Variants in SPOCK3 observed in about 807,000 individuals in gnomAD.
SPOCK3 encodes the protein testican-3.
A neutral mutation model predicts 56.6 loss-of-function variants in SPOCK3; 30 were observed. That is an observed-to-expected ratio of 0.53 (90% CI 0.40 to 0.72). SPOCK3 has a LOEUF of 0.72. Among genes scored for constraint, SPOCK3 ranks in the 30% least tolerant of loss-of-function variants. The probability of loss-of-function intolerance (pLI) is 0.00; values close to 1 mark genes in which losing one functional copy is unlikely to be tolerated. For synonymous variants in SPOCK3, 196 were observed against 183.3 expected (o/e 1.07, Z -0.56); for missense variants, 527 against 530.0 (o/e 0.99, Z 0.06).
At chr4:166,743,050 G>A (rs1735067610) in intron 8 of SPOCK3, among the ~76,000 whole-genome samples, 1 of 152,104 alleles carries the variant, frequency 6.6e-6, no homozygotes, top group South Asian at 2.1e-4. Flanking sequence ...GTGTTCACAA[G>A]TGGTCCTGAG....
At chr4:166,839,364 A>T (rs1483426318) in intron 6 of SPOCK3, among the ~76,000 whole-genome samples, 3 of 152,152 alleles carry the variant, frequency 2.0e-5, no homozygotes. Flanking sequence ...ACCTCCACTG[A>T]CAACAGGAAG....
At chr4:166,771,939 G>C (rs1014284164) in intron 7 of SPOCK3, among the ~76,000 whole-genome samples, 3 of 151,848 alleles carry the variant, frequency 2.0e-5, no homozygotes, top group Non-Finnish European at 2.9e-5. Context: ...CCTAATTATA[G>C]ACCATGTTTT....
At chr4:167,043,885 T>C (rs1002606377) in intron 3 of SPOCK3, among the ~76,000 whole-genome samples, 1 of 152,026 alleles carries the variant, frequency 6.6e-6, no homozygotes, top group Non-Finnish European at 1.5e-5. Context: ...GAGATCCTAG[T>C]CTACAGTGTT....
At position 167,200,326 on chromosome 4, in the gene SPOCK3, C is replaced by A. The variant is rs114868009; in HGVS notation, c.189+33659G>T. Among the ~76,000 whole-genome samples the A allele has an allele frequency of 5.5e-3, 839 of 152,076 alleles. 6 individuals are homozygous for A. Among genetic ancestry groups the A allele is most frequent in the Non-Finnish European group, 4.5e-3 (305 of 67,934 alleles). On this transcript the variant is annotated intron_variant, in intron 2 of 10. Coordinates refer to ENST00000357545, the MANE Select transcript of SPOCK3 (RefSeq NM_001040159.2). Reference sequence around the variant, plus strand: ...ACTAGTGTAGAAATTAAAATCTAGTCTATTTCACTGACACAGGTACAATAC... The same window carrying A: ...ACTAGTGTAGAAATTAAAATCTAGTATATTTCACTGACACAGGTACAATAC...
chr4:167,052,991 G>T (rs1427633), intron 3 of SPOCK3, among the ~76,000 whole-genome samples: 1 of 151,846 alleles, frequency 6.6e-6, no homozygotes, highest in African/African-American at 2.4e-5. Flanking sequence ...TTCACTGAAG[G>T]GAATAAAAGC....
chr4:167,155,036 A>G (rs1417197884), intron 2 of SPOCK3, among the ~76,000 whole-genome samples: 1 of 152,058 alleles, frequency 6.6e-6, no homozygotes, highest in Non-Finnish European at 1.5e-5. Flanking sequence ...GTAAGTTTTT[A>G]TTGCCCTCAT....
intron 6 of SPOCK3, among the ~76,000 whole-genome samples, chr4:166,832,584 A>G: frequency 6.6e-6 from 1 of 152,188 alleles, no homozygotes; most frequent in Non-Finnish European, 1.5e-5. Flanking sequence ...AAGAAAATAA[A>G]TTGTTCTACC....
chr4:167,177,892 A>C (rs1040975728), intron 2 of SPOCK3, among the ~76,000 whole-genome samples: 3 of 152,116 alleles, frequency 2.0e-5, no homozygotes, highest in Non-Finnish European at 2.9e-5. Context: ...TCCTACCAAT[A>C]CTAAGACCTA....
At chr4:166,998,857 C>T (rs943477069) in intron 4 of SPOCK3, among the ~76,000 whole-genome samples, 3 of 151,996 alleles carry the variant, frequency 2.0e-5, no homozygotes, top group Non-Finnish European at 4.4e-5. Context: ...ACACCCTTCT[C>T]TTTTTTATTT....
intron 6 of SPOCK3, among the ~76,000 whole-genome samples, chr4:166,820,068 C>T (rs866455273): frequency 1.6e-4 from 24 of 151,948 alleles, no homozygotes; most frequent in African/African-American, 5.3e-4. Context: ...AATTCATGTA[C>T]AGATGGAAGG....
intron 4 of SPOCK3, among the ~76,000 whole-genome samples, chr4:166,937,898 G>A (rs1427145471): frequency 6.7e-6 from 1 of 149,444 alleles, no homozygotes; most frequent in Non-Finnish European, 1.5e-5. Flanking sequence ...CGAGTAGCTG[G>A]GACTACAGGC....
chr4:167,200,180 G>C (rs13141228), intron 2 of SPOCK3, among the ~76,000 whole-genome samples: 6,138 of 152,038 alleles, frequency 0.04, 168 homozygotes, highest in Middle Eastern at 0.075. Context: ...GGATACAAAA[G>C]ATAAAATATG....
At chr4:167,133,545 C>T (rs1009079583) in intron 2 of SPOCK3, among the ~76,000 whole-genome samples, 5 of 152,186 alleles carry the variant, frequency 3.3e-5, no homozygotes, top group Admixed American at 2.6e-4. Context: ...AGATGTCTTA[C>T]AGAACAGAGC....
chr4:167,032,663 TA>T lies in SPOCK3; in HGVS notation c.235+29828del, dbSNP rs924033181. ...TTATGACTAAAATACCCGAGCTTTA[TA>T]AAAAAAAGAAAATACTGCATTCTAC... On this transcript the variant is annotated intron_variant, in intron 3 of 10. Coordinates refer to ENST00000357545, the MANE Select transcript of SPOCK3 (RefSeq NM_001040159.2). Among the ~76,000 whole-genome samples, 37 of 151,522 alleles carry T rather than the reference TA, an allele frequency of 2.4e-4. 1 individual carries two copies. Among genetic ancestry groups the T allele is most frequent in the Admixed American group, 2.1e-3 (32 of 15,172 alleles).
intron 2 of SPOCK3, among the ~76,000 whole-genome samples, chr4:167,140,159 G>A (rs1312054785): frequency 6.6e-6 from 1 of 152,040 alleles, no homozygotes; most frequent in Non-Finnish European, 1.5e-5. Context: ...CCTTCTGTGA[G>A]ATGATGCATT....
At chr4:166,889,849 C>T (rs1734589141) in intron 5 of SPOCK3, among the ~76,000 whole-genome samples, 1 of 151,838 alleles carries the variant, frequency 6.6e-6, no homozygotes, top group Non-Finnish European at 1.5e-5. Flanking sequence ...ATAGCTCAAA[C>T]ACACATTCAT....
chr4:167,059,840 A>C (rs528352965), intron 3 of SPOCK3, among the ~76,000 whole-genome samples: 2 of 152,344 alleles, frequency 1.3e-5, no homozygotes, highest in Admixed American at 1.3e-4. Context: ...TGATGAGTTC[A>C]TGTCCTTTAT....
At chr4:167,047,333 A>G (rs988240166) in intron 3 of SPOCK3, among the ~76,000 whole-genome samples, 3 of 152,232 alleles carry the variant, frequency 2.0e-5, no homozygotes, top group African/African-American at 4.8e-5. Flanking sequence ...TTTAAAAATC[A>G]GGAAAGTACT....
At chr4:167,224,235 C>T (rs1483543241) in intron 2 of SPOCK3, among the ~76,000 whole-genome samples, 1 of 151,950 alleles carries the variant, frequency 6.6e-6, no homozygotes, top group Non-Finnish European at 1.5e-5. Context: ...CTATTAAAGA[C>T]ATTGTGTTTA....
Sources: allele counts gnomAD v4.1 joint callset (sites outside exome capture counted in the v4.1 genomes callset), GRCh38; gene constraint gnomAD v4.1.1; transcripts MANE v1.5; gene names NCBI Gene and HGNC (gene_info 2026-07-23, HGNC 2026-07-21).